The following FABP6 variants were observed in gnomAD, a reference collection of about 807,000 sequenced individuals.
FABP6 encodes the protein gastrotropin.
In FABP6, 13 loss-of-function variants were observed where a neutral mutation model predicts 14.9. The observed-to-expected ratio is 0.87, with a 90% CI of 0.57 to 1.39. FABP6 has a LOEUF of 1.39. Ranked by LOEUF, FABP6 falls within the 40% of genes most tolerant of loss-of-function variation. The pLI is 0.00. For synonymous variants in FABP6, 75 were observed against 63.6 expected, an observed-to-expected ratio of 1.18 and a Z score of -0.85; for missense variants, 161 against 167.2, an observed-to-expected ratio of 0.96 and a Z score of 0.20.
At chr5:160,236,695 G>C (rs1463860699) in intron 3 of FABP6, among the ~76,000 whole-genome samples, 2 of 152,036 alleles carry the variant, frequency 1.3e-5, no homozygotes, top group East Asian at 3.9e-4. Context: ...AAATTATCTG[G>C]GTGTGGTGGC....
At chr5:160,193,136 C>T (rs1431662377) in intron 1 of FABP6, among the ~76,000 whole-genome samples, 3 of 152,090 alleles carry the variant, frequency 2.0e-5, no homozygotes, top group Non-Finnish European at 4.4e-5. Context: ...TAAGGTGGCA[C>T]GTCTGGAGTT....
intron 2 of FABP6, among the ~76,000 whole-genome samples, chr5:160,208,310 T>C (rs536031970): frequency 1.5e-3 from 233 of 151,984 alleles, no homozygotes; most frequent in African/African-American, 5.3e-3. Context: ...AGGTGGTGCA[T>C]GCCTTTCATC....
At position 160,232,216 on chromosome 5, in the gene FABP6, C is replaced by T; in HGVS notation, c.186C>T (p.Asn62=). The stretch of plus-strand genomic sequence containing the variant: ...ACTCCGGGGGCCACACCATGACCAA[C>T]AAGTTCACTGTTGGCAAGGAAAGCA... ...QHYSGGHTMT[N]KFTVGKESNI... Residue 62 remains asparagine (N), a synonymous_variant, in exon 2 of 4, where the codon AAC becomes AAT. Coordinates refer to ENST00000402432, the MANE Select transcript of FABP6 (RefSeq NM_001445.3). The T allele has an allele frequency of 4.3e-6, 7 of 1,613,228 alleles. No homozygotes were observed. Among genetic ancestry groups the T allele is most frequent in the Non-Finnish European group, 5.9e-6 (7 of 1,179,630 alleles).
intron 3 of FABP6, 27 bp from the exon 4 acceptor site, chr5:160,238,579 T>C: frequency 1.2e-6 from 2 of 1,611,538 alleles, no homozygotes; most frequent in South Asian, 1.1e-5. Context: ...GGGCACTGAC[T>C]CCCTCTGTCC....
At chr5:160,218,290 A>G (rs1251329859) in intron 3 of FABP6, among the ~76,000 whole-genome samples, 3 of 152,042 alleles carry the variant, frequency 2.0e-5, no homozygotes, top group Non-Finnish European at 4.4e-5. Flanking sequence ...GATTTTGCAG[A>G]TGAGAAAACT....
At chr5:160,187,765 A>T (rs1173241314) in intron 1 of FABP6, among the ~76,000 whole-genome samples, 6 of 151,302 alleles carry the variant, frequency 4.0e-5, no homozygotes, top group African/African-American at 9.8e-5. Flanking sequence ...TTATTTATTT[A>T]TTTTTTGAGA....
At chr5:160,230,485 C>A (rs1276316824) in intron 1 of FABP6, among the ~76,000 whole-genome samples, 3 of 152,124 alleles carry the variant, frequency 2.0e-5, no homozygotes, top group Admixed American at 6.6e-5. Context: ...CTCAGCCTCT[C>A]AAGTAGCTGG....
At chr5:160,215,329 C>T (rs1354035504) in intron 3 of FABP6, among the ~76,000 whole-genome samples, 1 of 152,110 alleles carries the variant, frequency 6.6e-6, no homozygotes, top group Admixed American at 6.5e-5. Flanking sequence ...GCCTGACCAA[C>T]ATGGTGAAAC....
chr5:160,226,708 A>T (rs915055186), upstream of FABP6, among the ~76,000 whole-genome samples: 1 of 152,144 alleles, frequency 6.6e-6, no homozygotes, highest in Non-Finnish European at 1.5e-5. Context: ...TCATTCATGT[A>T]AAACACTCAG....
chr5:160,231,489 G>A (rs1760381768), intron 1 of FABP6, among the ~76,000 whole-genome samples: 1 of 152,210 alleles, frequency 6.6e-6, no homozygotes, highest in African/African-American at 2.4e-5. Flanking sequence ...TGCCTCCAGG[G>A]TTTAAGTGAT....
intron 2 of FABP6, among the ~76,000 whole-genome samples, chr5:160,232,693 T>C (rs55804408): frequency 0.07 from 10,591 of 152,048 alleles, 499 homozygotes; most frequent in East Asian, 0.2. Context: ...GGCCAGGATT[T>C]TGAGATTAGC....
chr5:160,190,357 C>A (rs145056610), intron 1 of FABP6, among the ~76,000 whole-genome samples: 27 of 152,194 alleles, frequency 1.8e-4, no homozygotes, highest in African/African-American at 6.3e-4. Context: ...CTTAGCCTCC[C>A]GAGTAGCTGG....
intron 2 of FABP6, among the ~76,000 whole-genome samples, chr5:160,210,532 A>T (rs1759864788): frequency 6.6e-6 from 1 of 152,156 alleles, no homozygotes; most frequent in Non-Finnish European, 1.5e-5. Context: ...CCTTAAAAAT[A>T]CCAGAACACA....
intron 1 of FABP6, among the ~76,000 whole-genome samples, chr5:160,189,688 G>A (rs927405953): frequency 2.0e-5 from 3 of 152,120 alleles, no homozygotes; most frequent in African/African-American, 2.4e-5. Context: ...CTGGGACAAC[G>A]TAGAGAGACC....
intron 1 of FABP6, among the ~76,000 whole-genome samples, chr5:160,194,246 G>A (rs1049802350): frequency 1.3e-5 from 2 of 152,200 alleles, no homozygotes; most frequent in Non-Finnish European, 1.5e-5. Context: ...CGCAAGCGCC[G>A]CACGCATCCG....
At chr5:160,225,568 A>T (rs887061442), upstream of FABP6, among the ~76,000 whole-genome samples, 1 of 151,350 alleles carries the variant, frequency 6.6e-6, no homozygotes, top group Non-Finnish European at 1.5e-5. Flanking sequence ...TGTCCAGCTA[A>T]TTTTTTTGTA....
intron 3 of FABP6, among the ~76,000 whole-genome samples, chr5:160,221,661 A>C (rs1451539093): frequency 6.6e-6 from 1 of 151,996 alleles, no homozygotes; most frequent in Non-Finnish European, 1.5e-5. Context: ...AACATACTCT[A>C]TTAGTGGATT....
upstream of FABP6, chr5:160,228,667 A>G: frequency 2.5e-6 from 1 of 392,982 alleles, no homozygotes; most frequent in East Asian, 7.2e-5. Context: ...AGGCATCTTC[A>G]AGGCACCTGG....
Position 160,222,942 on chromosome 5 carries a change from C to T in FABP6, c.136-6604C>T, listed in dbSNP as rs186622730. On this transcript the variant is annotated intron_variant, in intron 3 of 6. Coordinates refer to the FABP6 transcript ENST00000393980. ...GCATACCTTGTTTTATTGCACTTCA[C>T]TTGACTGTAGTTCATAGATACCGTA... 1.7e-4 allele frequency among the ~76,000 whole-genome samples: 26 copies of T among 152,252 alleles called. 1 individual carries two copies. The East Asian group carries it at 4.8e-3, about 28-fold the overall frequency.
Sources: gnomAD v4.1 joint callset for allele counts (sites outside exome capture counted in the v4.1 genomes callset) on GRCh38, gnomAD v4.1.1 for gene constraint, MANE v1.5 for transcripts, NCBI Gene and HGNC (gene_info 2026-07-23, HGNC 2026-07-21) for gene names.